The following MIOS variants were observed in gnomAD, a reference collection of about 807,000 sequenced individuals.
MIOS encodes the protein GATOR2 complex protein MIOS.
MIOS carries 52 observed loss-of-function variants against 96.9 expected under a neutral mutation model. The observed-to-expected ratio is 0.54, with a 90% CI of 0.43 to 0.68. MIOS has a LOEUF of 0.68. Ranked by LOEUF, MIOS falls within the 30% of genes least tolerant of loss-of-function variation. The probability of loss-of-function intolerance (pLI) is 0.00; values close to 1 mark genes in which losing one functional copy is unlikely to be tolerated. For missense variants in MIOS, 1,005 were observed against 1,052.8 expected (o/e 0.95, Z 0.63); for synonymous variants, 397 against 359.5 (o/e 1.10, Z -1.18).
chr7:7,589,528 G>C lies in MIOS; in HGVS notation c.2008G>C (p.Gly670Arg), dbSNP rs184934399. 1.9e-6 allele frequency: 3 copies of C among 1,612,572 alleles called. No individual in the cohort carries two copies. The East Asian group carries it at 6.7e-5, about 36-fold the overall frequency. ...AATGGAGAGTTATGTTGATAGAACT[G>C]GAGATGTTCAAACAGCAAGTTACTG... is the stretch of plus-strand genomic sequence containing the variant. ...DLMESYVDRT[G>R]DVQTASYCML... The change falls in exon 9 of 13, where the codon GGA becomes CGA. Residue 670 changes from glycine to arginine, a missense_variant. Physicochemically the swap from Gly to Arg is moderately radical, Grantham distance 125. This residue lies in a region of MIOS where 865 missense variants were observed against 887.9 expected (regional missense o/e 0.97). Transcript: ENST00000340080.
intron 3 of MIOS, among the ~76,000 whole-genome samples, chr7:7,568,703 C>CAAGGATATCG (rs1783240489): frequency 6.6e-6 from 1 of 152,218 alleles, no homozygotes; most frequent in Non-Finnish European, 1.5e-5. Flanking sequence ...TATCGTGTAG[C>CAAGGATATCG]TGATCCTTTT....
At chr7:7,570,759 A>G (rs1042405134) in intron 3 of MIOS, among the ~76,000 whole-genome samples, 4 of 152,106 alleles carry the variant, frequency 2.6e-5, no homozygotes, top group African/African-American at 9.7e-5. Flanking sequence ...TAATGCTGCT[A>G]TTGATCTGAC....
At chr7:7,597,598 A>G (rs752811970) in intron 11 of MIOS, among the ~76,000 whole-genome samples, 4 of 148,626 alleles carry the variant, frequency 2.7e-5, no homozygotes, top group Non-Finnish European at 6.0e-5. Context: ...TATACATTGC[A>G]TACTGACCAC....
chr7:7,589,049 T>TA (rs1241834268), intron 8 of MIOS, among the ~76,000 whole-genome samples: 2 of 152,128 alleles, frequency 1.3e-5, no homozygotes, highest in Non-Finnish European at 2.9e-5. Flanking sequence ...TTGATGATCT[T>TA]AAAGTTCCCT....
rs186013207 is a variant in MIOS, at chr7:7,605,624, T to C, written c.2402-318T>C. The C allele has an allele frequency of 7.0e-3, 1,429 of 205,498 alleles. 9 individuals carry two copies. Among genetic ancestry groups the C allele is most frequent in the Non-Finnish European group, 0.011 (1,088 of 100,860 alleles). 12.7% of individuals were successfully genotyped at this position (205,498 alleles called of 1,614,324 possible). The stretch of plus-strand genomic sequence containing the variant: ...CTGTTCCTTGAATGTTAAGTAAAAT[T>C]CACTTGTAAACTGGGCCTGGTATTT... On this transcript the variant is annotated intron_variant, in intron 11 of 12. Coordinates refer to ENST00000340080, the MANE Select transcript of MIOS (RefSeq NM_019005.4).
At chr7:7,569,166 A>G (rs186766957) in intron 3 of MIOS, among the ~76,000 whole-genome samples, 34 of 152,350 alleles carry the variant, frequency 2.2e-4, no homozygotes, top group Admixed American at 2.0e-3. Context: ...TTGTGGGGGT[A>G]TGAGTATGAA....
At chr7:7,585,938 C>A in intron 7 of MIOS, 133 bp downstream of exon 7, 1 of 787,606 alleles carries the variant, frequency 1.3e-6, no homozygotes, top group Non-Finnish European at 1.8e-6. Flanking sequence ...AATAAGGCAT[C>A]TTGGGCTTTT....
At chr7:7,575,339 C>G (rs1316804950) in intron 5 of MIOS, among the ~76,000 whole-genome samples, 1 of 151,926 alleles carries the variant, frequency 6.6e-6, no homozygotes, top group Non-Finnish European at 1.5e-5. Context: ...TTTCAAATTA[C>G]TTTGGTTCAC....
chr7:7,579,275 A>G (rs1428596411), intron 5 of MIOS, among the ~76,000 whole-genome samples: 7 of 152,242 alleles, frequency 4.6e-5, no homozygotes, highest in African/African-American at 1.7e-4. Flanking sequence ...ATAGTTATCA[A>G]TAAAAAGATC....
Position 7,568,701 on chromosome 7 carries a change from A to G in MIOS, c.-41+578A>G, listed in dbSNP as rs140135037. ...TTGCACCACGTCCTGCATATCGTGTAGCTGATCCTTTTCTTTGCAGTAATC... is the reference window on the plus strand; with the variant it reads ...TTGCACCACGTCCTGCATATCGTGTGGCTGATCCTTTTCTTTGCAGTAATC... On this transcript the variant is annotated intron_variant, in intron 3 of 12. Transcript: ENST00000340080. Among the ~76,000 whole-genome samples, 216 of 152,366 alleles carry G rather than the reference A, an allele frequency of 1.4e-3. 1 individual carries two copies. Among genetic ancestry groups the G allele is most frequent in the African/African-American group, 5.1e-3 (210 of 41,584 alleles).
intron 10 of MIOS, 110 bp from the exon 11 acceptor site, chr7:7,596,147 A>G (rs926542515): frequency 1.1e-6 from 1 of 934,078 alleles, no homozygotes; most frequent in East Asian, 2.7e-5. Flanking sequence ...GAAATATAAA[A>G]TAAAGTTTTT....
chr7:7,601,178 A>G (rs188338031), intron 11 of MIOS, among the ~76,000 whole-genome samples: 1 of 152,298 alleles, frequency 6.6e-6, no homozygotes, highest in African/African-American at 2.4e-5. Context: ...AAGAGCAAAC[A>G]CATTGAAAAG....
intron 3 of MIOS, among the ~76,000 whole-genome samples, chr7:7,571,370 A>G (rs1031666159): frequency 6.6e-6 from 1 of 152,220 alleles, no homozygotes; most frequent in African/African-American, 2.4e-5. Flanking sequence ...GAAAACTGAA[A>G]GAGCCTCTAA....
rs371982720 is a variant in MIOS, at chr7:7,585,811, C to G, written c.1818+6C>G. On this transcript the variant is annotated splice_donor_region_variant and intron_variant, in intron 7 of 12. Coordinates refer to ENST00000340080, the MANE Select transcript of MIOS (RefSeq NM_019005.4). ...GATCTTACGATGGAGTTTTGGTAAG[C>G]TAACTTGTTTTTTAAGATCTTCCTT... is the stretch of plus-strand genomic sequence containing the variant. 46 of 1,591,472 alleles carry G rather than the reference C, an allele frequency of 2.9e-5. No individual in the cohort carries two copies. The African/African-American group carries it at 5.6e-4, about 19-fold the overall frequency.
intron 7 of MIOS, among the ~76,000 whole-genome samples, chr7:7,586,124 A>G (rs1027157298): frequency 2.0e-5 from 3 of 152,058 alleles, no homozygotes; most frequent in African/African-American, 4.8e-5. Context: ...ACATAAAAAT[A>G]TATTCGCTGT....
chr7:7,606,723 CT>C (rs1156285545), intron 12 of MIOS, among the ~76,000 whole-genome samples: 5 of 152,076 alleles, frequency 3.3e-5, no homozygotes, highest in East Asian at 1.9e-4. Flanking sequence ...GCTTTTGATG[CT>C]TTTTTTCTCT....
rs768652579 is a variant in MIOS at position 7,572,706 on chromosome 7, G to C, written c.231G>C (p.Leu77=). Residue 77 remains leucine (L), a synonymous_variant, in exon 4 of 13, where the codon CTG becomes CTC. Transcript: ENST00000340080. This position sits in a 1 kb window ranked among gnomAD's most constrained non-coding sequence, Gnocchi z 4.8. ...ATCTTAATTATGATCCTGAATGTCT[G>C]CTGGCAGTTGGACAAGCAAATGGTC... ...AWYLNYDPEC[L]LAVGQANGRV... 13 of 1,614,162 alleles carry C rather than the reference G, an allele frequency of 8.1e-6. No individual in the cohort carries two copies. The highest frequency in any genetic ancestry group is 1.0e-5 in the Non-Finnish European group (12 of 1,180,008).
In MIOS at chr7:7,572,254, C is replaced by T. The variant is rs1285229310; in HGVS notation, c.-40-182C>T. On this transcript the variant is annotated intron_variant, in intron 3 of 12. Coordinates refer to ENST00000340080, the MANE Select transcript of MIOS (RefSeq NM_019005.4). This position sits in a 1 kb window ranked among gnomAD's most constrained non-coding sequence, Gnocchi z 4.8. The stretch of plus-strand genomic sequence containing the variant: ...GCTCATTTTATTGGAAGTGGTTGTT[C>T]TTTCTCCTTTTTTTTCAATAAATAT... 6.6e-6 allele frequency among the ~76,000 whole-genome samples: 1 copy of T among 152,038 alleles called. No individual in the cohort carries two copies. Among genetic ancestry groups the T allele is most frequent in the African/African-American group, 2.4e-5 (1 of 41,382 alleles).
chr7:7,593,408 C>CT lies in MIOS; in HGVS notation c.2044-1563dup, dbSNP rs3840622. On this transcript the variant is annotated intron_variant, in intron 9 of 12. Coordinates refer to ENST00000340080, the MANE Select transcript of MIOS (RefSeq NM_019005.4). Reference sequence around the variant, plus strand: ...ATATTAGCTCTTACAGATTTTTGTTCTTTTTTTTTATAAGTAAGATATACG... The same window carrying CT: ...ATATTAGCTCTTACAGATTTTTGTTCTTTTTTTTTTATAAGTAAGATATACG... Among the ~76,000 whole-genome samples the CT allele has an allele frequency of 1.3e-4, 20 of 151,192 alleles. No homozygotes were observed. The South Asian group carries it at 1.7e-3, about 13-fold the overall frequency.
Sources: gnomAD v4.1 joint callset for allele counts (sites outside exome capture counted in the v4.1 genomes callset) on GRCh38, gnomAD v4.1.1 for gene constraint, gnomAD v4.1.1 regional missense constraint, Gnocchi (gnomAD v3.1) non-coding constraint, MANE v1.5 for transcripts, NCBI Gene and HGNC (gene_info 2026-07-23, HGNC 2026-07-21) for gene names.